Variants in DNAI4 observed in about 807,000 individuals in gnomAD.
The protein encoded by DNAI4 is dynein axonemal intermediate chain 4.
A neutral mutation model predicts 105.8 loss-of-function variants in DNAI4; 85 were observed. The ratio of observed to expected loss-of-function variants is 0.80; its 90% CI spans 0.67 to 0.96. DNAI4 has a LOEUF of 0.96. Ranked by LOEUF, DNAI4 falls within the 40% of genes least tolerant of loss-of-function variation. The pLI is 0.00. For missense variants in DNAI4, 1,014 were observed against 1,005.6 expected (o/e 1.01, Z -0.11); for synonymous variants, 352 against 331.5 (o/e 1.06, Z -0.67).
At chr1:66,832,843 A>G (rs1294575373) in intron 13 of DNAI4, among the ~76,000 whole-genome samples, 1 of 152,170 alleles carries the variant, frequency 6.6e-6, no homozygotes, top group East Asian at 1.9e-4. Context: ...GTATCTCCAG[A>G]TAAAAGAAAA....
intron 1 of DNAI4, among the ~76,000 whole-genome samples, chr1:66,921,657 CAATTT>C (rs1237063833): frequency 1.3e-5 from 2 of 152,102 alleles, no homozygotes; most frequent in Non-Finnish European, 2.9e-5. Context: ...TTAATAAACT[CAATTT>C]AATTTTACAT....
rs1651017915 is a variant in DNAI4, at chr1:66,924,668, A to C, written c.164T>G (p.Phe55Cys). 2 of 1,614,184 alleles carry C rather than the reference A, an allele frequency of 1.2e-6. No individual in the cohort carries two copies. The highest frequency in any genetic ancestry group is 2.7e-5 in the African/African-American group (2 of 75,038). The change falls in exon 1 of 17, where the codon TTC becomes TGC. Residue 55 changes from phenylalanine (F) to cysteine (C), a missense_variant. Physicochemically the swap from Phe to Cys is radical, Grantham distance 205. Coordinates refer to ENST00000371026, the MANE Select transcript of DNAI4 (RefSeq NM_024763.5). ...SPAGSHKQQN[F>C]GLNNATQPKK... ...TTTTAGCGCCGGAACTTACAACCCGAAGTTCTGCTGCTTGTGACTGCCTGC... is the reference window on the plus strand; with the variant it reads ...TTTTAGCGCCGGAACTTACAACCCGCAGTTCTGCTGCTTGTGACTGCCTGC...
chr1:66,916,099 A>AAT (rs1650052400), intron 1 of DNAI4, among the ~76,000 whole-genome samples: 2 of 151,488 alleles, frequency 1.3e-5, no homozygotes, highest in South Asian at 4.2e-4. Context: ...AAAAAAAAAA[A>AAT]AAAGAATCCC....
chr1:66,866,730 T>A (rs1173603043), intron 6 of DNAI4, among the ~76,000 whole-genome samples: 4 of 152,196 alleles, frequency 2.6e-5, no homozygotes, highest in African/African-American at 9.6e-5. Flanking sequence ...ATACTTGACA[T>A]TTGGTTGGAT....
intron 1 of DNAI4, among the ~76,000 whole-genome samples, chr1:66,917,072 C>T (rs1292302600): frequency 6.6e-6 from 1 of 152,016 alleles, no homozygotes; most frequent in East Asian, 1.9e-4. Flanking sequence ...CCCCTAAAGT[C>T]CAAAAATGAC....
At chr1:66,900,079 AT>A (rs1648680915) in intron 2 of DNAI4, among the ~76,000 whole-genome samples, 1 of 151,522 alleles carries the variant, frequency 6.6e-6, no homozygotes, top group Non-Finnish European at 1.5e-5. Flanking sequence ...TTTTATTTTT[AT>A]TTTTTTGAGA....
In DNAI4 at chr1:66,910,580, T is replaced by C. The variant is rs1649581496; in HGVS notation, c.171-5205A>G. ...CTCCCCACCTGCCCTAATCACTCCATGGCCAAATGCCAGAACAACAGGCGC... is the reference window on the plus strand; with the variant it reads ...CTCCCCACCTGCCCTAATCACTCCACGGCCAAATGCCAGAACAACAGGCGC... On this transcript the variant is annotated intron_variant, in intron 1 of 16. Transcript: ENST00000371026. Among the ~76,000 whole-genome samples, 3 of 152,370 alleles carry C rather than the reference T, an allele frequency of 2.0e-5. No homozygotes were observed. In the South Asian group the frequency reaches 6.2e-4, roughly 32 times the overall value.
chr1:66,904,162 T>C (rs760566969), intron 2 of DNAI4, among the ~76,000 whole-genome samples: 11 of 152,138 alleles, frequency 7.2e-5, no homozygotes, highest in Non-Finnish European at 1.2e-4. Flanking sequence ...TCCGCCATTA[T>C]ATGTAAAGGT....
intron 9 of DNAI4, among the ~76,000 whole-genome samples, chr1:66,838,308 G>T (rs1225714629): frequency 6.6e-6 from 1 of 152,146 alleles, no homozygotes; most frequent in East Asian, 1.9e-4. Flanking sequence ...TAATGTGACA[G>T]GACTGGTGAC....
At chr1:66,893,032 G>GGA (rs1557964963) in intron 3 of DNAI4, among the ~76,000 whole-genome samples, 197 bp downstream of exon 3, 12 of 93,058 alleles carry the variant, frequency 1.3e-4, no homozygotes, top group African/African-American at 5.0e-4. Context: ...GAAAGAAAGA[G>GGA]AGGAAAGAAA....
At chr1:66,870,144 A>G (rs1289464958) in intron 6 of DNAI4, among the ~76,000 whole-genome samples, 1 of 152,178 alleles carries the variant, frequency 6.6e-6, no homozygotes, top group African/African-American at 2.4e-5. Context: ...AAAGGCAATT[A>G]AGAATAAAAC....
intron 2 of DNAI4, among the ~76,000 whole-genome samples, chr1:66,894,897 A>C (rs986710713): frequency 6.6e-6 from 1 of 152,204 alleles, no homozygotes; most frequent in African/African-American, 2.4e-5. Context: ...TAGCATTTAC[A>C]TATAAATTTT....
At chr1:66,845,946 G>T (rs1646266475) in intron 8 of DNAI4, among the ~76,000 whole-genome samples, 1 of 151,856 alleles carries the variant, frequency 6.6e-6, no homozygotes, top group Non-Finnish European at 1.5e-5. Context: ...GTCTTGATTA[G>T]GGTATTGGTA....
intron 10 of DNAI4, 114 bp downstream of exon 10, chr1:66,837,596 G>T (rs1646054839): frequency 1.6e-6 from 2 of 1,230,424 alleles, no homozygotes; most frequent in Non-Finnish European, 2.3e-6. Flanking sequence ...AAAGAAAATA[G>T]TCTTGATTGA....
chr1:66,827,977 A>C, intron 13 of DNAI4, 67 bp from the exon 14 acceptor site: 3 of 1,013,708 alleles, frequency 3.0e-6, no homozygotes, highest in Middle Eastern at 2.2e-4. Flanking sequence ...ATAGAAGATT[A>C]GATATTTCTG....
chr1:66,892,704 G>A (rs555369949), intron 3 of DNAI4, among the ~76,000 whole-genome samples: 1 of 152,064 alleles, frequency 6.6e-6, no homozygotes, highest in South Asian at 2.1e-4. Context: ...TCAGGAGTTC[G>A]AGATCAGTCT....
Position 66,854,437 on chromosome 1 carries a change from T to G in DNAI4, c.1097-6759A>C, listed in dbSNP as rs544666760. On this transcript the variant is annotated intron_variant, in intron 7 of 16. Coordinates refer to ENST00000371026, the MANE Select transcript of DNAI4 (RefSeq NM_024763.5). ...TATATACAATTGCTTAAAAAAAAAC[T>G]TAGGTGTAAATCTATCAAAACATGT... 6.3e-4 allele frequency among the ~76,000 whole-genome samples: 96 copies of G among 151,950 alleles called. 1 individual carries two copies. The highest frequency in any genetic ancestry group is 5.6e-3 in the East Asian group (29 of 5,178).
At chr1:66,852,100 G>T (rs1037987933) in intron 7 of DNAI4, among the ~76,000 whole-genome samples, 1 of 151,586 alleles carries the variant, frequency 6.6e-6, no homozygotes, top group Non-Finnish European at 1.5e-5. Flanking sequence ...ACGTCAAAGT[G>T]ATAATAACAA....
chr1:66,859,512 G>A (rs1480148943), intron 7 of DNAI4, among the ~76,000 whole-genome samples: 2 of 152,084 alleles, frequency 1.3e-5, no homozygotes, highest in South Asian at 2.1e-4. Context: ...GTTTATAACC[G>A]TTTTATTCGA....
Sources: gnomAD v4.1 joint callset for allele counts (sites outside exome capture counted in the v4.1 genomes callset) on GRCh38, gnomAD v4.1.1 for gene constraint, MANE v1.5 for transcripts, NCBI Gene and HGNC (gene_info 2026-07-23, HGNC 2026-07-21) for gene names.